Variants in ZNF133 observed in about 807,000 individuals in gnomAD.
The protein encoded by ZNF133 is zinc finger protein 133 (clone pHZ-13).
Under a neutral mutation model 54.9 loss-of-function variants are expected in ZNF133, and 26 were observed. The observed-to-expected ratio is 0.47, with a 90% CI of 0.35 to 0.66. The LOEUF is 0.66. ZNF133 is among the 30% of genes least tolerant of loss of function. The pLI is 0.01. For synonymous variants in ZNF133, 298 were observed against 320.3 expected (o/e 0.93, Z 0.74); for missense variants, 653 against 820.8 (o/e 0.80, Z 2.50).
In ZNF133 at chr20:18,316,537, G is replaced by A. The variant is rs1166503128; in HGVS notation, c.1686G>A (p.Lys562=). ...AGTGTGGACTGGGCTTTGGCAATAAGTCAGCTCTAATTACACACAAGCGGG... is the reference window on the plus strand; with the variant it reads ...AGTGTGGACTGGGCTTTGGCAATAAATCAGCTCTAATTACACACAAGCGGG... ...CRQCGLGFGN[K]SALITHKRAH... is the part of the protein sequence containing the mutation. The change falls in exon 7 of 7, where the codon AAG becomes AAA. Residue 562 remains lysine (K), a synonymous_variant. Transcript: ENST00000425686. 1 of 1,614,052 alleles carries A rather than the reference G, an allele frequency of 6.2e-7. No homozygotes were observed. The highest frequency in any genetic ancestry group is 1.1e-5 in the South Asian group (1 of 91,076).
chr20:18,289,820 G>A (rs1404911468), intron 1 of ZNF133: 2 of 152,260 alleles, frequency 1.3e-5, no homozygotes, highest in African/African-American at 2.4e-5. Context: ...TATCAGGGCA[G>A]GTCGTGCTTT....
intron 1 of ZNF133, among the ~76,000 whole-genome samples, chr20:18,292,142 G>A (rs34156677): frequency 0.15 from 22,180 of 152,082 alleles, 1,719 homozygotes; most frequent in East Asian, 0.2. Flanking sequence ...CCAGGCCACC[G>A]TCTCATCTGG....
rs139640967 is a variant in ZNF133, at chr20:18,295,749, C to G, written c.-431-2236C>G. Among the ~76,000 whole-genome samples the G allele has an allele frequency of 2.5e-3, 379 of 152,252 alleles. 4 individuals carry two copies. Among genetic ancestry groups the G allele is most frequent in the African/African-American group, 8.5e-3 (354 of 41,562 alleles). On this transcript the variant is annotated intron_variant, in intron 1 of 6. Coordinates refer to ENST00000425686, the MANE Select transcript of ZNF133 (RefSeq NM_001352452.2). ...CAGGCTCGCTGCAGCCTCAACCTCC[C>G]AGGTTCAAGTGATGCTCCCTCCTCA...
At chr20:18,311,914 C>T (rs965588841) in intron 6 of ZNF133, among the ~76,000 whole-genome samples, 3 of 152,128 alleles carry the variant, frequency 2.0e-5, no homozygotes, top group African/African-American at 7.2e-5. Context: ...TTTATGAAGG[C>T]AATATTAGCC....
chr20:18,289,688 A>G (rs1213225075), intron 1 of ZNF133, among the ~76,000 whole-genome samples: 1 of 152,186 alleles, frequency 6.6e-6, no homozygotes, highest in African/African-American at 2.4e-5. Context: ...GAAAGGATAG[A>G]ATGAGGTGAA....
intron 3 of ZNF133, among the ~76,000 whole-genome samples, chr20:18,304,581 C>CTTCTT (rs1314809117): frequency 6.6e-6 from 1 of 152,150 alleles, no homozygotes; most frequent in Non-Finnish European, 1.5e-5. Flanking sequence ...TGAGTGCATG[C>CTTCTT]TTCTACATGG....
At chr20:18,289,843 C>G (rs1037291208) in intron 1 of ZNF133, 1 of 152,284 alleles carries the variant, frequency 6.6e-6, no homozygotes, top group African/African-American at 2.4e-5. Context: ...ACCTGTACCC[C>G]AGCTGTGTTC....
chr20:18,294,646 T>C (rs1177058657), intron 1 of ZNF133, among the ~76,000 whole-genome samples: 1 of 152,224 alleles, frequency 6.6e-6, no homozygotes, highest in Non-Finnish European at 1.5e-5. Context: ...CCATCAATTC[T>C]ATATTCTTGA....
chr20:18,315,551 C>T lies in ZNF133; in HGVS notation c.700C>T (p.Arg234Trp), dbSNP rs1298021666. The change falls in exon 7 of 7, where the codon CGG (arginine) becomes TGG (tryptophan). Residue 234 changes from arginine to tryptophan, a missense_variant. By Grantham distance (101) the Arg-to-Trp change is moderately radical. Coordinates refer to ENST00000425686, the MANE Select transcript of ZNF133 (RefSeq NM_001352452.2). ...SKMTNLLSHQ[R>W]IHSGEKPYVC... ...GATGACAAACCTGCTCAGTCACCAG[C>T]GGATACACTCAGGGGAGAAGCCCTA... The T allele has an allele frequency of 1.2e-6, 2 of 1,613,966 alleles. No individual in the cohort carries two copies. Among genetic ancestry groups the T allele is most frequent in the Non-Finnish European group, 1.7e-6 (2 of 1,180,038 alleles).
chr20:18,293,776 A>G (rs1308395100), intron 1 of ZNF133, among the ~76,000 whole-genome samples: 1 of 152,208 alleles, frequency 6.6e-6, no homozygotes, highest in Non-Finnish European at 1.5e-5. Context: ...TAATTTTAAC[A>G]GCAAAATAAA....
At position 18,297,964 on chromosome 20, in the gene ZNF133, A is replaced by T. The variant is rs1429713497; in HGVS notation, c.-431-21A>T. The T allele has an allele frequency of 8.8e-6, 13 of 1,483,294 alleles. No homozygotes were observed. The Admixed American group carries it at 1.6e-4, about 18-fold the overall frequency. 91.9% of individuals were successfully genotyped at this position (1,483,294 alleles called of 1,614,324 possible). ...GAGCATTTCTACCTGACACCCTCCC[A>T]TTTCTGTTTTCCTTACCCAGATCTA... On this transcript the variant is annotated intron_variant, in intron 1 of 6. Coordinates refer to ENST00000425686, the MANE Select transcript of ZNF133 (RefSeq NM_001352452.2).
At chr20:18,297,412 AT>A (rs1240271341) in intron 1 of ZNF133, among the ~76,000 whole-genome samples, 12 of 151,718 alleles carry the variant, frequency 7.9e-5, no homozygotes, top group African/African-American at 2.9e-4. Context: ...TAGTTTTTGA[AT>A]TTTTAATTTA....
intron 5 of ZNF133, 121 bp from the exon 6 acceptor site, chr20:18,306,177 C>A: frequency 2.3e-6 from 2 of 872,558 alleles, no homozygotes; most frequent in Non-Finnish European, 3.5e-6. Flanking sequence ...GAGCCCCACT[C>A]ACCTCTTCCA....
chr20:18,301,546 ACT>A (rs2043358457), intron 3 of ZNF133, among the ~76,000 whole-genome samples: 1 of 152,180 alleles, frequency 6.6e-6, no homozygotes, highest in South Asian at 2.1e-4. Flanking sequence ...AAATAAGAAA[ACT>A]CAAATTACTA....
Position 18,316,579 on chromosome 20 carries a change from G to A in ZNF133, c.1728G>A (p.Lys576=). ...ITHKRAHSEE[K]PCVCRECGQG... ...ACAAGCGGGCTCACTCGGAAGAGAAGCCTTGTGTGTGCAGAGAGTGTGGCC... is the reference window on the plus strand; with the variant it reads ...ACAAGCGGGCTCACTCGGAAGAGAAACCTTGTGTGTGCAGAGAGTGTGGCC... The change falls in exon 7 of 7, where the codon AAG becomes AAA. Residue 576 remains lysine, a synonymous_variant. Coordinates refer to ENST00000425686, the MANE Select transcript of ZNF133 (RefSeq NM_001352452.2). The A allele has an allele frequency of 6.2e-7, 1 of 1,614,142 alleles. No homozygotes were observed. Among genetic ancestry groups the A allele is most frequent in the Non-Finnish European group, 8.5e-7 (1 of 1,180,002 alleles).
intron 1 of ZNF133, among the ~76,000 whole-genome samples, chr20:18,297,254 C>T (rs1296790705): frequency 1.3e-5 from 2 of 151,902 alleles, no homozygotes; most frequent in African/African-American, 2.4e-5. Flanking sequence ...ACTAAGTGCT[C>T]GTCATGTTTT....
At chr20:18,298,242 A>T in intron 2 of ZNF133, 47 bp from the exon 3 acceptor site, 2 of 1,458,890 alleles carry the variant, frequency 1.4e-6, no homozygotes, top group Non-Finnish European at 1.8e-6. Context: ...AAACTGAACA[A>T]CACACAATTC....
chr20:18,316,023 T>G lies in ZNF133; in HGVS notation c.1172T>G (p.Phe391Cys). ...GCCTGCAAGGAGTGTGGGCGATGCTTCAGGCAGAGGACCACCCTTGTCAAC... is the reference window on the plus strand; with the variant it reads ...GCCTGCAAGGAGTGTGGGCGATGCTGCAGGCAGAGGACCACCCTTGTCAAC... ...PYACKECGRC[F>C]RQRTTLVNHQ... The change falls in exon 7 of 7, where the codon TTC becomes TGC. Residue 391 changes from phenylalanine (F) to cysteine (C), a missense_variant. Phe to Cys is a radical substitution (Grantham distance 205). This residue lies in a region of ZNF133 where 292 missense variants were observed against 431.6 expected (regional missense o/e 0.68). Transcript: ENST00000425686. 1 of 1,613,422 alleles carries G rather than the reference T, an allele frequency of 6.2e-7. No individual in the cohort carries two copies. Among genetic ancestry groups the G allele is most frequent in the Non-Finnish European group, 8.5e-7 (1 of 1,179,890 alleles).
intron 3 of ZNF133, among the ~76,000 whole-genome samples, chr20:18,302,751 G>C (rs532313427): frequency 5.3e-5 from 8 of 152,340 alleles, no homozygotes; most frequent in African/African-American, 1.9e-4. Context: ...AGTTATCTGA[G>C]TTTGCAGGTG....
Sources: gnomAD v4.1 joint callset for allele counts (sites outside exome capture counted in the v4.1 genomes callset) on GRCh38, gnomAD v4.1.1 for gene constraint, gnomAD v4.1.1 regional missense constraint, MANE v1.5 for transcripts, NCBI Gene and HGNC (gene_info 2026-07-23, HGNC 2026-07-21) for gene names.